The following RASGRP3 variants were observed in gnomAD, a reference collection of about 807,000 sequenced individuals.
RASGRP3 encodes the protein ras guanyl-releasing protein 3.
In RASGRP3, 54 loss-of-function variants were observed where a neutral mutation model predicts 82.7. The ratio of observed to expected loss-of-function variants is 0.65; its 90% CI spans 0.52 to 0.82. RASGRP3 has a LOEUF of 0.82. Ranked by LOEUF, RASGRP3 falls within the 40% of genes least tolerant of loss-of-function variation. RASGRP3 has a pLI of 0.00. For missense variants in RASGRP3, 861 were observed against 828.9 expected (o/e 1.04, Z -0.48); for synonymous variants, 309 against 300.5 (o/e 1.03, Z -0.29).
chr2:33,461,698 G>T (rs752151214), intron 2 of RASGRP3, among the ~76,000 whole-genome samples: 2 of 152,234 alleles, frequency 1.3e-5, no homozygotes. Context: ...TTCTTACTCT[G>T]CTATGGATTC....
upstream of RASGRP3, among the ~76,000 whole-genome samples, chr2:33,472,162 T>C (rs781571665): frequency 1.1e-4 from 16 of 152,242 alleles, no homozygotes; most frequent in Non-Finnish European, 2.1e-4. Context: ...GTTTCCACCA[T>C]GTGTCTCATA....
At chr2:33,457,424 T>C (rs1208602022) in intron 2 of RASGRP3, among the ~76,000 whole-genome samples, 1 of 152,222 alleles carries the variant, frequency 6.6e-6, no homozygotes, top group Non-Finnish European at 1.5e-5. Flanking sequence ...AAATGCATAG[T>C]GTTTTTTTCA....
chr2:33,461,771 G>A (rs952732093), intron 2 of RASGRP3, among the ~76,000 whole-genome samples: 1 of 152,136 alleles, frequency 6.6e-6, no homozygotes, highest in Non-Finnish European at 1.5e-5. Context: ...AAGTAATACC[G>A]AGACTACAGT....
At chr2:33,554,787 A>C (rs1398121692) in intron 14 of RASGRP3, among the ~76,000 whole-genome samples, 1 of 151,814 alleles carries the variant, frequency 6.6e-6, no homozygotes, top group East Asian at 1.9e-4. Flanking sequence ...CCTCTTCTTT[A>C]TGGTGTTTAG....
intron 7 of RASGRP3, among the ~76,000 whole-genome samples, chr2:33,523,198 G>T (rs1487671611): frequency 6.6e-6 from 1 of 152,012 alleles, no homozygotes; most frequent in African/African-American, 2.4e-5. Flanking sequence ...TCTTGGCCGG[G>T]CGCGCCTTTA....
chr2:33,538,779 C>G (rs1389650776), intron 11 of RASGRP3, among the ~76,000 whole-genome samples: 4 of 152,162 alleles, frequency 2.6e-5, no homozygotes, highest in Non-Finnish European at 5.9e-5. Flanking sequence ...TAGCTCATGC[C>G]TATAATCCCG....
chr2:33,450,822 CTTTTTTTTTTTTTTTTTTT>C (rs1170217165), intron 2 of RASGRP3, among the ~76,000 whole-genome samples: 2 of 18,964 alleles, frequency 1.1e-4, no homozygotes, highest in East Asian at 3.2e-3. Flanking sequence ...TTCTTTCTTT[CTTTTTTTTTTTTTTTTTTT>C]TTTTTTTTTT....
Position 33,515,194 on chromosome 2 carries a change from A to G in RASGRP3, c.58A>G (p.Ile20Val). 1.2e-6 allele frequency: 2 copies of G among 1,613,968 alleles called. No homozygotes were observed. The highest frequency in any genetic ancestry group is 1.7e-6 in the Non-Finnish European group (2 of 1,179,852). The change falls in exon 3 of 18, where the codon ATT becomes GTT. Residue 20 changes from isoleucine (I) to valine (V), a missense_variant. By Grantham distance (29) the Ile-to-Val change is conservative. Coordinates refer to ENST00000403687, the MANE Select transcript of RASGRP3 (RefSeq NM_001139488.2). The part of the protein sequence containing the change: ...ATLDELLCTC[I>V]EMFDDNGELD... ...ATTAGATGAACTGCTGTGCACTTGC[A>G]TTGAGATGTTTGGTACGAGCCTTTT... is the stretch of plus-strand genomic sequence containing the variant.
chr2:33,518,298 G>GTGGGTATT (rs1468783662), intron 4 of RASGRP3, among the ~76,000 whole-genome samples: 2 of 152,286 alleles, frequency 1.3e-5, no homozygotes, highest in East Asian at 1.9e-4. Flanking sequence ...TAACACAATG[G>GTGGGTATT]TGGGTATTTG....
At chr2:33,502,989 A>C (rs1337305674) in intron 1 of RASGRP3, among the ~76,000 whole-genome samples, 1 of 152,220 alleles carries the variant, frequency 6.6e-6, no homozygotes, top group Non-Finnish European at 1.5e-5. Flanking sequence ...AAACCAGTCT[A>C]TCAACCTCTA....
intron 12 of RASGRP3, among the ~76,000 whole-genome samples, chr2:33,541,182 C>T (rs1645748414): frequency 6.8e-6 from 1 of 146,900 alleles, no homozygotes; most frequent in African/African-American, 2.4e-5. Flanking sequence ...TTATTCTTCT[C>T]TGATTATAAA....
intron 2 of RASGRP3, among the ~76,000 whole-genome samples, chr2:33,463,502 C>A (rs1323460597): frequency 6.6e-6 from 1 of 151,818 alleles, no homozygotes; most frequent in Admixed American, 6.6e-5. Context: ...GGGAGTTTCT[C>A]CAGGATGCTG....
chr2:33,536,139 T>C (rs1673580775), intron 11 of RASGRP3, among the ~76,000 whole-genome samples: 1 of 151,716 alleles, frequency 6.6e-6, no homozygotes, highest in Non-Finnish European at 1.5e-5. Flanking sequence ...TTGTCTCTAC[T>C]AAAAATACAA....
intron 4 of RASGRP3, among the ~76,000 whole-genome samples, chr2:33,519,470 G>A (rs570994289): frequency 6.6e-6 from 1 of 152,194 alleles, no homozygotes; most frequent in African/African-American, 2.4e-5. Context: ...CAAAAAATTA[G>A]CCAGGCATGT....
chr2:33,451,033 G>A (rs1665772111), intron 2 of RASGRP3, among the ~76,000 whole-genome samples: 1 of 150,976 alleles, frequency 6.6e-6, no homozygotes, highest in African/African-American at 2.4e-5. Context: ...AGTAGAGACA[G>A]GGCTTCACCG....
At chr2:33,532,554 A>G (rs1673199153) in intron 10 of RASGRP3, 2 of 152,222 alleles carry the variant, frequency 1.3e-5, no homozygotes, top group Admixed American at 1.3e-4. Flanking sequence ...TGGCTCCCAA[A>G]GGCATTTGTT....
intron 10 of RASGRP3, chr2:33,533,005 T>C (rs902764233): frequency 2.0e-5 from 3 of 152,152 alleles, no homozygotes; most frequent in Admixed American, 6.5e-5. Flanking sequence ...TTCTTTCTTT[T>C]CCCCCACACT....
chr2:33,523,464 A>G (rs1483683826), intron 7 of RASGRP3, among the ~76,000 whole-genome samples: 5 of 68,422 alleles, frequency 7.3e-5, no homozygotes, highest in African/African-American at 1.8e-4. Flanking sequence ...AGTCGGTTAA[A>G]AAAAAAAAAA....
At chr2:33,516,280 C>T (rs568323668) in intron 3 of RASGRP3, among the ~76,000 whole-genome samples, 38 of 152,212 alleles carry the variant, frequency 2.5e-4, no homozygotes, top group African/African-American at 8.2e-4. Flanking sequence ...TGGTGGCAGG[C>T]GCCTGTAGTC....
Sources: allele counts gnomAD v4.1 joint callset (sites outside exome capture counted in the v4.1 genomes callset), GRCh38; gene constraint gnomAD v4.1.1; transcripts MANE v1.5; gene names NCBI Gene and HGNC (gene_info 2026-07-23, HGNC 2026-07-21).